Variants in SUCLG2 observed in about 807,000 individuals in gnomAD.
The protein encoded by SUCLG2 is succinate--CoA ligase [GDP-forming] subunit beta, mitochondrial.
Under a neutral mutation model 47.9 loss-of-function variants are expected in SUCLG2, and 42 were observed. The ratio of observed to expected loss-of-function variants is 0.88; its 90% CI spans 0.69 to 1.14. The LOEUF (loss-of-function observed/expected upper bound fraction) is 1.14, where lower values mean the gene tolerates loss of function less well. Ranked by LOEUF, SUCLG2 falls within the 50% of genes most tolerant of loss-of-function variation. SUCLG2 has a pLI of 0.00. For missense variants in SUCLG2, 571 were observed against 525.9 expected (o/e 1.09, Z -0.84); for synonymous variants, 195 against 197.3 (o/e 0.99, Z 0.10).
intron 9 of SUCLG2, among the ~76,000 whole-genome samples, chr3:67,490,456 G>T (rs1705176887): frequency 6.6e-6 from 1 of 152,106 alleles, no homozygotes; most frequent in African/African-American, 2.4e-5. Flanking sequence ...ATTATATTTT[G>T]TTCTTCTTTC....
At chr3:67,597,692 C>A (rs1412624984) in intron 2 of SUCLG2, among the ~76,000 whole-genome samples, 1 of 152,114 alleles carries the variant, frequency 6.6e-6, no homozygotes, top group East Asian at 1.9e-4. Context: ...GTGGTCCCAG[C>A]ACTTTGGGAG....
chr3:67,378,248 T>G (rs1258233430), intron 10 of SUCLG2, among the ~76,000 whole-genome samples: 2 of 152,224 alleles, frequency 1.3e-5, no homozygotes, highest in African/African-American at 4.8e-5. Context: ...CCCCCTTGAG[T>G]ATGATCTGGA....
chr3:67,360,542 T>TGAAC, exon 11 of SUCLG2: 3 of 1,350,536 alleles, frequency 2.2e-6, no homozygotes, highest in Non-Finnish European at 2.0e-6. Flanking sequence ...AGCATGCAGC[T>TGAAC]GAACCCAAAT....
intron 2 of SUCLG2, among the ~76,000 whole-genome samples, chr3:67,554,085 G>A (rs1020156448): frequency 2.0e-5 from 3 of 152,132 alleles, no homozygotes; most frequent in Non-Finnish European, 4.4e-5. Context: ...CCTCTCGGTC[G>A]GGGTAGGTGT....
intron 2 of SUCLG2, among the ~76,000 whole-genome samples, chr3:67,598,112 C>CTG (rs967861146): frequency 9.9e-5 from 15 of 152,026 alleles, no homozygotes; most frequent in African/African-American, 2.4e-4. Context: ...TCCTGAGTAG[C>CTG]TGGGACTACA....
At chr3:67,398,930 C>G (rs1349873223) in intron 10 of SUCLG2, among the ~76,000 whole-genome samples, 1 of 148,428 alleles carries the variant, frequency 6.7e-6, no homozygotes, top group Admixed American at 6.9e-5. Flanking sequence ...GACAAAAAAC[C>G]AAACACCACA....
intron 1 of SUCLG2, among the ~76,000 whole-genome samples, chr3:67,630,585 G>C (rs1443423986): frequency 6.6e-6 from 1 of 152,184 alleles, no homozygotes; most frequent in Non-Finnish European, 1.5e-5. Flanking sequence ...TATAAAGATA[G>C]ATGGCAAAAT....
chr3:67,554,189 G>A (rs1304942914), intron 2 of SUCLG2, among the ~76,000 whole-genome samples: 1 of 152,156 alleles, frequency 6.6e-6, no homozygotes, highest in Non-Finnish European at 1.5e-5. Flanking sequence ...CTCAAAGATG[G>A]CATCCCGGGG....
At chr3:67,543,424 T>G (rs1333468557) in intron 2 of SUCLG2, among the ~76,000 whole-genome samples, 1 of 152,116 alleles carries the variant, frequency 6.6e-6, no homozygotes, top group African/African-American at 2.4e-5. Context: ...TGGGTTGATT[T>G]GGGAGGCTGA....
intron 1 of SUCLG2, among the ~76,000 whole-genome samples, chr3:67,615,415 C>T (rs1023533356): frequency 6.6e-6 from 1 of 152,026 alleles, no homozygotes; most frequent in Non-Finnish European, 1.5e-5. Context: ...AAGGGAAAAT[C>T]GTCTACCCAC....
chr3:67,588,914 C>T (rs1335566995), intron 2 of SUCLG2, among the ~76,000 whole-genome samples: 3 of 152,164 alleles, frequency 2.0e-5, no homozygotes, highest in Non-Finnish European at 2.9e-5. Context: ...GTTTTCCTAA[C>T]AATCCCTTGT....
At position 67,505,759 on chromosome 3, in the gene SUCLG2, C is replaced by T. The variant is rs971714759; in HGVS notation, c.757+3048G>A. On this transcript the variant is annotated intron_variant, in intron 7 of 10. Transcript: ENST00000307227. Reference sequence around the variant, plus strand: ...GGTGGATCACCTGAGGTCAGGAGTTCGAGACCAGCCTGGCCAACGTGGTGA... The same window carrying T: ...GGTGGATCACCTGAGGTCAGGAGTTTGAGACCAGCCTGGCCAACGTGGTGA... Among the ~76,000 whole-genome samples, 8 of 152,022 alleles carry T rather than the reference C, an allele frequency of 5.3e-5. No homozygotes were observed. In the East Asian group the frequency reaches 5.8e-4, roughly 11 times the overall value.
intron 10 of SUCLG2, among the ~76,000 whole-genome samples, chr3:67,398,081 C>T (rs147869407): frequency 6.7e-6 from 1 of 149,100 alleles, no homozygotes; most frequent in Non-Finnish European, 1.5e-5. Context: ...AAGAAAACCT[C>T]GGCATTACCA....
chr3:67,596,513 T>G (rs963192559), intron 2 of SUCLG2, among the ~76,000 whole-genome samples: 1 of 152,154 alleles, frequency 6.6e-6, no homozygotes, highest in Non-Finnish European at 1.5e-5. Context: ...CCACCCAGCA[T>G]TTACAGTGGA....
intron 9 of SUCLG2, among the ~76,000 whole-genome samples, chr3:67,455,368 C>A (rs971787478): frequency 6.6e-6 from 1 of 152,174 alleles, no homozygotes; most frequent in African/African-American, 2.4e-5. Flanking sequence ...TCTTGACATA[C>A]ACTTGTGATG....
At chr3:67,428,192 C>G (rs956353737) in intron 9 of SUCLG2, among the ~76,000 whole-genome samples, 14 of 152,216 alleles carry the variant, frequency 9.2e-5, no homozygotes, top group Non-Finnish European at 1.9e-4. Context: ...AGGCACCTCC[C>G]AGTAGGGGCC....
At chr3:67,601,943 C>G (rs1276690916) in intron 2 of SUCLG2, among the ~76,000 whole-genome samples, 1 of 151,866 alleles carries the variant, frequency 6.6e-6, no homozygotes, top group Non-Finnish European at 1.5e-5. Context: ...GATCGCACCC[C>G]CCAACTCCAG....
intron 2 of SUCLG2, among the ~76,000 whole-genome samples, chr3:67,571,881 C>T (rs1337652217): frequency 6.6e-6 from 1 of 152,234 alleles, no homozygotes; most frequent in African/African-American, 2.4e-5. Context: ...CCACATGTTG[C>T]TCTTTCCTTC....
intron 2 of SUCLG2, among the ~76,000 whole-genome samples, chr3:67,608,959 G>A (rs539192509): frequency 2.0e-5 from 3 of 152,294 alleles, no homozygotes; most frequent in Non-Finnish European, 2.9e-5. Flanking sequence ...TTATAGGCAT[G>A]AGCCACCCCA....
Sources: allele counts gnomAD v4.1 joint callset (sites outside exome capture counted in the v4.1 genomes callset), GRCh38; gene constraint gnomAD v4.1.1; transcripts MANE v1.5; gene names NCBI Gene and HGNC (gene_info 2026-07-23, HGNC 2026-07-21).